The following PPM1K variants were observed in gnomAD, a reference collection of about 807,000 sequenced individuals.
The protein encoded by PPM1K is protein phosphatase Mn(2+)-dependent 1K.
A neutral mutation model predicts 32.6 loss-of-function variants in PPM1K; 19 were observed. The ratio of observed to expected loss-of-function variants is 0.58; its 90% CI spans 0.41 to 0.86. The LOEUF is 0.86. Ranked by LOEUF, PPM1K falls within the 40% of genes least tolerant of loss-of-function variation. PPM1K has a pLI of 0.00. For missense variants in PPM1K, 362 were observed against 461.2 expected, an observed-to-expected ratio of 0.78 and a Z score of 1.97; for synonymous variants, 159 against 165.3, an observed-to-expected ratio of 0.96 and a Z score of 0.29.
At chr4:88,282,112 C>A (rs1732037672) in intron 1 of PPM1K, among the ~76,000 whole-genome samples, 1 of 152,124 alleles carries the variant, frequency 6.6e-6, no homozygotes, top group African/African-American at 2.4e-5. Context: ...GAGAAGGAAT[C>A]TTTTTAAGTA....
intron 5 of PPM1K, among the ~76,000 whole-genome samples, chr4:88,267,897 A>G (rs1731400295): frequency 3.3e-5 from 5 of 152,118 alleles, no homozygotes; most frequent in Admixed American, 3.3e-4. Flanking sequence ...GCACGTGCAA[A>G]TGTCTGCTTG....
chr4:88,262,893 T>A (rs1731176226), intron 6 of PPM1K, among the ~76,000 whole-genome samples, 167 bp from the exon 7 acceptor site: 1 of 152,250 alleles, frequency 6.6e-6, no homozygotes, highest in Non-Finnish European at 1.5e-5. Flanking sequence ...ATTTTCACCC[T>A]GTATTAATGC....
chr4:88,265,332 C>T (rs1731263025), intron 5 of PPM1K, among the ~76,000 whole-genome samples, 197 bp from the exon 6 acceptor site: 2 of 152,142 alleles, frequency 1.3e-5, no homozygotes, highest in Admixed American at 1.3e-4. Flanking sequence ...GTGGGAGGGA[C>T]CTGGTAGGAG....
intron 3 of PPM1K, chr4:88,275,875 T>G: frequency 1.0e-6 from 1 of 985,466 alleles, no homozygotes; most frequent in Non-Finnish European, 1.2e-6. Flanking sequence ...TTTCAGCTTC[T>G]GTCTTCTTAA....
chr4:88,268,578 G>A (rs1427252045), intron 4 of PPM1K, among the ~76,000 whole-genome samples, 163 bp downstream of exon 4: 4 of 152,132 alleles, frequency 2.6e-5, no homozygotes, highest in African/African-American at 4.8e-5. Context: ...CCAAGATTGC[G>A]CCACTGCACT....
intron 3 of PPM1K, chr4:88,275,405 A>C: frequency 1.0e-6 from 1 of 982,154 alleles, no homozygotes; most frequent in Non-Finnish European, 1.2e-6. Flanking sequence ...TAGGCAAGTT[A>C]ATTAAATTCT....
chr4:88,275,526 A>G, intron 3 of PPM1K: 1 of 985,348 alleles, frequency 1.0e-6, no homozygotes, highest in Non-Finnish European at 1.2e-6. Context: ...TTGACTAGAT[A>G]CTTTTAAAAG....
At chr4:88,264,625 A>G (rs1217691463) in intron 6 of PPM1K, among the ~76,000 whole-genome samples, 10 of 152,242 alleles carry the variant, frequency 6.6e-5, no homozygotes, top group African/African-American at 2.2e-4. Flanking sequence ...GTGAAAAAGG[A>G]CAATAATAGC....
In PPM1K at chr4:88,284,512, T is replaced by C. The variant is rs1732163823; in HGVS notation, c.-166A>G. The C allele has an allele frequency of 6.6e-6, 1 of 152,246 alleles. No homozygotes were observed. The highest frequency in any genetic ancestry group is 2.4e-5 in the African/African-American group (1 of 41,464). The allele number at this position is 152,246 out of a possible 1,614,324, so 9.4% of individuals were successfully genotyped here. ...AGTGCCTTCTCCGTCGTCTCGGATC[T>C]CCGAAGCAAGCAGTCAAAGCGGCCA... is the stretch of plus-strand genomic sequence containing the variant. On this transcript the variant is annotated 5_prime_UTR_variant, in exon 1 of 7. Transcript: ENST00000608933.
intron 1 of PPM1K, among the ~76,000 whole-genome samples, chr4:88,279,855 T>A (rs7661312): frequency 6.6e-6 from 1 of 152,134 alleles, no homozygotes; most frequent in Non-Finnish European, 1.5e-5. Flanking sequence ...ATTCTCAATC[T>A]TATGTTTAAA....
At chr4:88,273,974 C>A (rs1341455892) in intron 3 of PPM1K, among the ~76,000 whole-genome samples, 1 of 152,184 alleles carries the variant, frequency 6.6e-6, no homozygotes, top group African/African-American at 2.4e-5. Context: ...CAAGTTCATC[C>A]ATAAAGCCTC....
At position 88,260,396 on chromosome 4, in the gene PPM1K, C is replaced by G. The variant is rs1399237827; in HGVS notation, c.*2199G>C. ...ATGTCATTTTTGTGCGTTAGTTTTCCTTTGCCTGTTGGTTTGGAAATTCTC... is the reference window on the plus strand; with the variant it reads ...ATGTCATTTTTGTGCGTTAGTTTTCGTTTGCCTGTTGGTTTGGAAATTCTC... On this transcript the variant is annotated 3_prime_UTR_variant, in exon 7 of 7. Coordinates refer to ENST00000608933, the MANE Select transcript of PPM1K (RefSeq NM_152542.5). The G allele has an allele frequency of 6.6e-6, 1 of 152,138 alleles. No homozygotes were observed. Among genetic ancestry groups the G allele is most frequent in the African/African-American group, 2.4e-5 (1 of 41,434 alleles). The allele number at this position is 152,138 out of a possible 1,614,324, so 9.4% of individuals were successfully genotyped here. A position where few individuals can be genotyped will look rare whatever the true frequency, so the allele number is the denominator to read the frequency against.
At chr4:88,273,824 G>T (rs1476376114) in intron 3 of PPM1K, among the ~76,000 whole-genome samples, 1 of 152,102 alleles carries the variant, frequency 6.6e-6, no homozygotes, top group Non-Finnish European at 1.5e-5. Context: ...CATAATAAAA[G>T]ATTAGGGTGG....
chr4:88,283,371 C>T (rs1732094328), intron 1 of PPM1K, among the ~76,000 whole-genome samples: 3 of 152,256 alleles, frequency 2.0e-5, no homozygotes, highest in Non-Finnish European at 4.4e-5. Context: ...TTCCAAAGTG[C>T]TGTGATCACA....
At chr4:88,277,389 C>T in intron 2 of PPM1K, 146 bp from the exon 3 acceptor site, 2 of 608,646 alleles carry the variant, frequency 3.3e-6, no homozygotes, top group South Asian at 4.1e-5. Context: ...TAAGGAATAC[C>T]TATTGAGAAT....
In PPM1K at chr4:88,257,817, A is replaced by T. The variant is rs924466677; in HGVS notation, c.*4778T>A. On this transcript the variant is annotated 3_prime_UTR_variant, in exon 7 of 7. Transcript: ENST00000608933. ...AAACAAATGTACACAAGGGCACTTC[A>T]GTAGAAATTAAATCAGTTTGGGGAC... The T allele has an allele frequency of 6.6e-6, 1 of 152,234 alleles. No individual in the cohort carries two copies. The highest frequency in any genetic ancestry group is 6.5e-5 in the Admixed American group (1 of 15,286). The allele number at this position is 152,234 out of a possible 1,614,324, so 9.4% of individuals were successfully genotyped here. A position where few individuals can be genotyped will look rare whatever the true frequency, so the allele number is the denominator to read the frequency against.
chr4:88,266,363 G>A (rs528308894), intron 5 of PPM1K, among the ~76,000 whole-genome samples: 1 of 152,336 alleles, frequency 6.6e-6, no homozygotes, highest in Admixed American at 6.5e-5. Context: ...AGTTGGGGCA[G>A]CTTCCAAGTG....
intron 2 of PPM1K, chr4:88,277,911 T>C: frequency 1.8e-6 from 1 of 566,704 alleles, no homozygotes; most frequent in Non-Finnish European, 3.1e-6. Flanking sequence ...ACAAATTAAG[T>C]GCTATAGATT....
At chr4:88,271,182 A>G (rs932742906) in intron 3 of PPM1K, 5 of 508,964 alleles carry the variant, frequency 9.8e-6, no homozygotes, top group Non-Finnish European at 1.6e-5. Flanking sequence ...CTGACCAGGC[A>G]CAGTTCTCTG....
Sources: gnomAD v4.1 joint callset for allele counts (sites outside exome capture counted in the v4.1 genomes callset) on GRCh38, gnomAD v4.1.1 for gene constraint, MANE v1.5 for transcripts, NCBI Gene and HGNC (gene_info 2026-07-23, HGNC 2026-07-21) for gene names.